Variants in RIMBP2 observed in about 807,000 individuals in gnomAD.
RIMBP2 encodes the protein RIMS-binding protein 2.
In RIMBP2, 48 loss-of-function variants were observed where a neutral mutation model predicts 118.6. The observed-to-expected ratio is 0.40, with a 90% CI of 0.32 to 0.51. The LOEUF is 0.51. Among genes scored for constraint, RIMBP2 ranks in the 20% least tolerant of loss-of-function variants. The probability of loss-of-function intolerance (pLI) is 0.41; values close to 1 mark genes in which losing one functional copy is unlikely to be tolerated. For synonymous variants in RIMBP2, 762 were observed against 742.9 expected, an observed-to-expected ratio of 1.03 and a Z score of -0.42; for missense variants, 1,551 against 1,768.3, an observed-to-expected ratio of 0.88 and a Z score of 2.20.
intron 6 of RIMBP2, among the ~76,000 whole-genome samples, chr12:130,460,878 A>G (rs1334668426): frequency 6.6e-6 from 1 of 152,104 alleles, no homozygotes; most frequent in Non-Finnish European, 1.5e-5. Flanking sequence ...CCCGTCCCAC[A>G]GTCCCCTCAC....
intron 4 of RIMBP2, among the ~76,000 whole-genome samples, chr12:130,494,638 C>CAA (rs71451372): frequency 0.38 from 51,787 of 135,352 alleles, 9,924 homozygotes; most frequent in East Asian, 0.68. Flanking sequence ...AACCCTGTCT[C>CAA]AAAAAAAAAA....
intron 17 of RIMBP2, among the ~76,000 whole-genome samples, chr12:130,421,683 G>T (rs926983439): frequency 1.4e-5 from 2 of 138,490 alleles, no homozygotes; most frequent in African/African-American, 5.6e-5. Context: ...AGTTCTCCCT[G>T]CATTTATATG....
intron 22 of RIMBP2, 109 bp downstream of exon 22, chr12:130,399,570 G>T: frequency 7.7e-7 from 1 of 1,294,550 alleles, no homozygotes; most frequent in Non-Finnish European, 1.1e-6. Flanking sequence ...AATTCAGGGT[G>T]TATTTACGCT....
chr12:130,495,558 T>C (rs2049067896), intron 4 of RIMBP2, among the ~76,000 whole-genome samples: 1 of 152,222 alleles, frequency 6.6e-6, no homozygotes, highest in African/African-American at 2.4e-5. Flanking sequence ...TGATTTTTTT[T>C]CTGAGCTCCT....
At chr12:130,698,730 G>C (rs12306995) in intron 1 of RIMBP2, among the ~76,000 whole-genome samples, 6,696 of 152,076 alleles carry the variant, frequency 0.044, 490 homozygotes, top group African/African-American at 0.15. Flanking sequence ...ATTGACAAAT[G>C]GGATCTAATT....
rs539802785 is a variant in RIMBP2, at chr12:130,439,897, ATCTG to A, written c.1505-1385_1505-1382del. On this transcript the variant is annotated intron_variant, in intron 11 of 22. Transcript: ENST00000690449. ...TGTGTATGTGGGTATGTGTATGTGT[ATCTG>A]TCTATGTGAGTCTGTGGGGGTGTCT... Among the ~76,000 whole-genome samples, 173 of 117,226 alleles carry A rather than the reference ATCTG, an allele frequency of 1.5e-3. 1 individual carries two copies. Among genetic ancestry groups the A allele is most frequent in the Non-Finnish European group, 2.6e-3 (146 of 55,656 alleles). 76.9% of individuals were successfully genotyped at this position (117,226 alleles called of 152,430 possible). A position where few individuals can be genotyped will look rare whatever the true frequency, so the allele number is the denominator to read the frequency against.
chr12:130,543,701 A>T (rs960740751), intron 2 of RIMBP2, among the ~76,000 whole-genome samples: 2 of 152,138 alleles, frequency 1.3e-5, no homozygotes, highest in African/African-American at 4.8e-5. Flanking sequence ...GAGACAGCAC[A>T]ATGACACCAC....
chr12:130,404,384 A>G (rs914488996), intron 21 of RIMBP2, among the ~76,000 whole-genome samples: 1 of 151,954 alleles, frequency 6.6e-6, no homozygotes, highest in African/African-American at 2.4e-5. Flanking sequence ...CGCAACCTCC[A>G]CCTCCTGGGT....
At chr12:130,430,418 G>A (rs1286079540) in intron 14 of RIMBP2, 3 of 152,140 alleles carry the variant, frequency 2.0e-5, no homozygotes, top group South Asian at 2.1e-4. Flanking sequence ...ACAGGATTTG[G>A]ATCATCACTA....
intron 6 of RIMBP2, among the ~76,000 whole-genome samples, chr12:130,459,536 G>A (rs989450446): frequency 4.6e-5 from 7 of 152,154 alleles, no homozygotes; most frequent in Admixed American, 2.6e-4. Context: ...TAGGAACTAA[G>A]AATACAGGTG....
At chr12:130,457,135 C>A (rs534825116) in intron 6 of RIMBP2, among the ~76,000 whole-genome samples, 49 of 152,292 alleles carry the variant, frequency 3.2e-4, no homozygotes, top group Admixed American at 1.6e-3. Context: ...GGCTGTGATG[C>A]GGCCCAGACT....
At chr12:130,488,809 G>A (rs1593497418) in intron 4 of RIMBP2, among the ~76,000 whole-genome samples, 1 of 152,328 alleles carries the variant, frequency 6.6e-6, no homozygotes, top group South Asian at 2.1e-4. Context: ...GGTCTGCAGA[G>A]ATAAGGGGAA....
At chr12:130,562,960 G>A (rs928546242) in intron 2 of RIMBP2, among the ~76,000 whole-genome samples, 2 of 152,210 alleles carry the variant, frequency 1.3e-5, no homozygotes, top group Non-Finnish European at 2.9e-5. Flanking sequence ...AGAAATCTCT[G>A]ACAGCGTAGC....
rs1566196988 is a variant in RIMBP2 at position 130,525,827 on chromosome 12, C to G, written c.-216-7910G>C. ...CTTCTTTGTGAAATCTCATCCAGTC[C>G]TCTCAGCACTGCCATGTGGCAGACA... On this transcript the variant is annotated intron_variant, in intron 2 of 22. Transcript: ENST00000690449. The surrounding 1 kb of genome is among the most constrained non-coding windows in gnomAD (Gnocchi z 4.4). Among the ~76,000 whole-genome samples, 1 of 152,160 alleles carries G rather than the reference C, an allele frequency of 6.6e-6. No homozygotes were observed. Among genetic ancestry groups the G allele is most frequent in the Non-Finnish European group, 1.5e-5 (1 of 68,042 alleles).
At chr12:130,575,953 C>G (rs752162245) in intron 2 of RIMBP2, among the ~76,000 whole-genome samples, 2 of 152,156 alleles carry the variant, frequency 1.3e-5, no homozygotes, top group Non-Finnish European at 1.5e-5. Context: ...ACAGGACACC[C>G]CCGGATATTT....
chr12:130,573,287 G>A (rs977971574), intron 2 of RIMBP2, among the ~76,000 whole-genome samples: 2 of 151,930 alleles, frequency 1.3e-5, no homozygotes, highest in South Asian at 4.2e-4. Context: ...GCATAGAGAC[G>A]ATGATTGCAA....
chr12:130,497,571 G>A (rs1048091184), intron 4 of RIMBP2, among the ~76,000 whole-genome samples: 5 of 152,232 alleles, frequency 3.3e-5, no homozygotes, highest in Non-Finnish European at 4.4e-5. Flanking sequence ...AAGCACCACC[G>A]GTTGCAGTCC....
chr12:130,627,316 C>A (rs1307640187), intron 2 of RIMBP2, among the ~76,000 whole-genome samples: 1 of 152,364 alleles, frequency 6.6e-6, no homozygotes, highest in Middle Eastern at 3.4e-3. Flanking sequence ...CCTAGCCAGC[C>A]ATTTCCGGGT....
At chr12:130,516,221 T>C (rs2051440391) in intron 3 of RIMBP2, among the ~76,000 whole-genome samples, 1 of 152,210 alleles carries the variant, frequency 6.6e-6, no homozygotes, top group Admixed American at 6.5e-5. Flanking sequence ...AGAAAATAAG[T>C]GTCAAATCAA....
Sources: gnomAD v4.1 joint callset for allele counts (sites outside exome capture counted in the v4.1 genomes callset) on GRCh38, gnomAD v4.1.1 for gene constraint, Gnocchi (gnomAD v3.1) non-coding constraint, MANE v1.5 for transcripts, NCBI Gene and HGNC (gene_info 2026-07-23, HGNC 2026-07-21) for gene names.